Variants in TUSC3 observed in about 807,000 individuals in gnomAD.
TUSC3 encodes the protein dolichyl-diphosphooligosaccharide--protein glycosyltransferase subunit TUSC3.
In TUSC3, 45 loss-of-function variants were observed where a neutral mutation model predicts 44.8. The observed-to-expected ratio is 1.00, with a 90% CI of 0.79 to 1.29. The LOEUF is 1.29. TUSC3 is among the 50% of genes most tolerant of loss of function. The pLI is 0.00. For synonymous variants in TUSC3, 212 were observed against 152.9 expected, an observed-to-expected ratio of 1.39 and a Z score of -2.85; for missense variants, 519 against 437.9, an observed-to-expected ratio of 1.19 and a Z score of -1.65.
chr8:15,820,958 T>G, the TUSC3 span, among the ~76,000 whole-genome samples: 1 of 152,208 alleles, frequency 6.6e-6, no homozygotes, highest in Non-Finnish European at 1.5e-5. Context: ...GTTTTAGGTG[T>G]GCCCAGCTAT....
At chr8:15,483,649 ATTTTTTTTTT>A (rs60092911) in intron 2 of TUSC3, among the ~76,000 whole-genome samples, 11 of 66,166 alleles carry the variant, frequency 1.7e-4, no homozygotes, top group Non-Finnish European at 2.8e-4. Flanking sequence ...TAGCACTGTG[ATTTTTTTTTT>A]TTTTTTTTTT....
At chr8:15,849,004 C>T in the TUSC3 span, among the ~76,000 whole-genome samples, 2 of 152,016 alleles carry the variant, frequency 1.3e-5, no homozygotes, top group African/African-American at 4.8e-5. Context: ...TTTCTATATC[C>T]CTCACATGCC....
At chr8:15,448,599 T>C (rs2129119867) in intron 1 of TUSC3, among the ~76,000 whole-genome samples, 1 of 152,312 alleles carries the variant, frequency 6.6e-6, no homozygotes, top group East Asian at 1.9e-4. Flanking sequence ...TTAATAGTGT[T>C]TATAATATTG....
intron 1 of TUSC3, among the ~76,000 whole-genome samples, chr8:15,465,017 T>A (rs1800396221): frequency 6.6e-6 from 1 of 152,096 alleles, no homozygotes; most frequent in Non-Finnish European, 1.5e-5. Flanking sequence ...GCCCAGCTAA[T>A]TTTTGTATTT....
At chr8:15,620,892 T>A (rs979623421) in intron 1 of TUSC3, among the ~76,000 whole-genome samples, 1 of 152,178 alleles carries the variant, frequency 6.6e-6, no homozygotes, top group South Asian at 2.1e-4. Context: ...ACTGTTTTCA[T>A]AGATACATAT....
chr8:15,538,257 C>T (rs1436952692), upstream of TUSC3, among the ~76,000 whole-genome samples: 1 of 152,218 alleles, frequency 6.6e-6, no homozygotes, highest in African/African-American at 2.4e-5. Context: ...GAAGCTTGCT[C>T]TCAGGCCACT....
the TUSC3 span, among the ~76,000 whole-genome samples, chr8:15,828,019 A>G: frequency 3.1e-3 from 409 of 132,780 alleles, 11 homozygotes; most frequent in East Asian, 0.078. Flanking sequence ...TTTGACACGG[A>G]GTTTCACACT....
At chr8:15,601,913 A>G (rs975072164) in intron 1 of TUSC3, among the ~76,000 whole-genome samples, 42 of 53,432 alleles carry the variant, frequency 7.9e-4, no homozygotes, top group African/African-American at 3.1e-3. Flanking sequence ...GTGGTTATTT[A>G]TGTATTTTTT....
chr8:15,575,429 T>C (rs1166954629), intron 1 of TUSC3, among the ~76,000 whole-genome samples: 1 of 152,150 alleles, frequency 6.6e-6, no homozygotes, highest in Non-Finnish European at 1.5e-5. Context: ...GTGTGTACAT[T>C]CATTGCTTCA....
At chr8:15,433,855 G>A (rs981733949) in intron 1 of TUSC3, among the ~76,000 whole-genome samples, 2 of 151,974 alleles carry the variant, frequency 1.3e-5, no homozygotes, top group African/African-American at 4.8e-5. Flanking sequence ...TTCCAGTTGG[G>A]GGTCATTATT....
the TUSC3 span, among the ~76,000 whole-genome samples, chr8:15,780,365 A>C: frequency 6.6e-6 from 1 of 152,266 alleles, no homozygotes; most frequent in East Asian, 1.9e-4. Context: ...ACAGTGTCCT[A>C]ACTCAAAGGT....
chr8:15,575,125 G>T (rs1006907757), intron 1 of TUSC3, among the ~76,000 whole-genome samples: 1 of 151,630 alleles, frequency 6.6e-6, no homozygotes, highest in Non-Finnish European at 1.5e-5. Flanking sequence ...CACATTTTAT[G>T]GGACATTATG....
At chr8:15,815,470 T>C in the TUSC3 span, among the ~76,000 whole-genome samples, 4 of 152,140 alleles carry the variant, frequency 2.6e-5, no homozygotes, top group Non-Finnish European at 5.9e-5. Context: ...AGGAGACTAT[T>C]AGGAGTTATT....
intron 2 of TUSC3, among the ~76,000 whole-genome samples, chr8:15,634,133 G>A (rs925372754): frequency 2.0e-5 from 3 of 152,178 alleles, no homozygotes; most frequent in African/African-American, 7.2e-5. Flanking sequence ...AAGACAAGAT[G>A]GTATTAAACT....
At chr8:15,787,671 G>C in the TUSC3 span, among the ~76,000 whole-genome samples, 1 of 152,156 alleles carries the variant, frequency 6.6e-6, no homozygotes, top group African/African-American at 2.4e-5. Context: ...CTATTTCCTA[G>C]ATCAAATCTT....
chr8:15,837,262 C>T, the TUSC3 span, among the ~76,000 whole-genome samples: 1 of 151,906 alleles, frequency 6.6e-6, no homozygotes, highest in African/African-American at 2.4e-5. Context: ...TAACTGAAAT[C>T]ATTCAGTTTT....
intron 10 of TUSC3, among the ~76,000 whole-genome samples, chr8:15,762,197 CAAAT>C (rs900256948): frequency 3.3e-5 from 5 of 151,574 alleles, no homozygotes; most frequent in African/African-American, 1.2e-4. Flanking sequence ...GTGTCTTGAA[CAAAT>C]AAAGAAATTT....
At chr8:15,793,357 C>T in the TUSC3 span, among the ~76,000 whole-genome samples, 1 of 152,102 alleles carries the variant, frequency 6.6e-6, no homozygotes, top group African/African-American at 2.4e-5. Context: ...TCCTTCTCCA[C>T]TCCTTTTCCC....
intron 2 of TUSC3, among the ~76,000 whole-genome samples, chr8:15,522,508 C>G (rs1801311727): frequency 6.6e-6 from 1 of 151,804 alleles, no homozygotes; most frequent in African/African-American, 2.4e-5. Context: ...GCTGAGATCA[C>G]CGGTATGAGC....
Sources: allele counts gnomAD v4.1 joint callset (sites outside exome capture counted in the v4.1 genomes callset), GRCh38; gene constraint gnomAD v4.1.1; transcripts MANE v1.5; gene names NCBI Gene and HGNC (gene_info 2026-07-23, HGNC 2026-07-21).